FANCC: variants seen among roughly 807,000 people sequenced by gnomAD.
FANCC encodes the protein Fanconi anemia group C protein.
Under a neutral mutation model 71.3 loss-of-function variants are expected in FANCC, and 55 were observed. The ratio of observed to expected loss-of-function variants is 0.77; its 90% CI spans 0.62 to 0.97. The LOEUF (loss-of-function observed/expected upper bound fraction) is 0.97. Among genes scored for constraint, FANCC ranks in the 50% least tolerant of loss-of-function variants. FANCC has a pLI of 0.00. For synonymous variants in FANCC, 275 were observed against 244.9 expected (o/e 1.12, Z -1.15); for missense variants, 678 against 670.9 (o/e 1.01, Z -0.12).
At chr9:95,278,731 A>G (rs931841242) in intron 1 of FANCC, among the ~76,000 whole-genome samples, 6 of 152,240 alleles carry the variant, frequency 3.9e-5, no homozygotes, top group African/African-American at 4.8e-5. Context: ...GTCGAGAATC[A>G]TATGTATAGG....
intron 13 of FANCC, 66 bp from the exon 14 acceptor site, chr9:95,107,335 AT>A: frequency 6.5e-7 from 1 of 1,533,464 alleles, no homozygotes. Context: ...TCTAGGATTT[AT>A]TTATTTGCTT....
At chr9:95,307,947 G>T (rs921162853) in intron 1 of FANCC, among the ~76,000 whole-genome samples, 1 of 152,224 alleles carries the variant, frequency 6.6e-6, no homozygotes, top group African/African-American at 2.4e-5. Context: ...GGGTCACATC[G>T]CAATGGAAGG....
At chr9:95,266,419 T>C (rs1262303273) in intron 1 of FANCC, among the ~76,000 whole-genome samples, 5 of 152,218 alleles carry the variant, frequency 3.3e-5, no homozygotes, top group Non-Finnish European at 7.3e-5. Context: ...TACTAACACA[T>C]GCAGGGAGAC....
At chr9:95,118,984 C>T (rs1317366609) in intron 10 of FANCC, among the ~76,000 whole-genome samples, 1 of 152,192 alleles carries the variant, frequency 6.6e-6, no homozygotes, top group African/African-American at 2.4e-5. Context: ...ATCGTAAGGC[C>T]ATATGGTTTT....
intron 1 of FANCC, among the ~76,000 whole-genome samples, chr9:95,276,737 C>T (rs1029428989): frequency 6.6e-6 from 1 of 152,176 alleles, no homozygotes; most frequent in Admixed American, 6.6e-5. Flanking sequence ...GCATAATTAT[C>T]GGTTCATCAA....
chr9:95,131,796 C>T (rs544527796), intron 8 of FANCC, among the ~76,000 whole-genome samples: 7 of 152,104 alleles, frequency 4.6e-5, no homozygotes, highest in African/African-American at 1.2e-4. Flanking sequence ...AGAGTGAACT[C>T]TTCAGCACAA....
At chr9:95,295,987 C>T (rs1409329474) in intron 1 of FANCC, among the ~76,000 whole-genome samples, 1 of 151,916 alleles carries the variant, frequency 6.6e-6, no homozygotes, top group Non-Finnish European at 1.5e-5. Flanking sequence ...TTACCATACA[C>T]AAAAAAATAA....
At chr9:95,252,284 A>AG (rs1831386411) in intron 1 of FANCC, among the ~76,000 whole-genome samples, 2 of 149,864 alleles carry the variant, frequency 1.3e-5, no homozygotes, top group African/African-American at 4.9e-5. Context: ...CAAAAAAAAA[A>AG]AAAAAAAAAA....
chr9:95,248,873 G>C (rs187625191), intron 2 of FANCC, among the ~76,000 whole-genome samples: 1 of 152,240 alleles, frequency 6.6e-6, no homozygotes, highest in East Asian at 1.9e-4. Context: ...CAACAAGCAT[G>C]AAATCTTGAT....
chr9:95,207,814 T>A (rs967701149), intron 4 of FANCC, among the ~76,000 whole-genome samples: 2 of 152,180 alleles, frequency 1.3e-5, no homozygotes, highest in East Asian at 1.9e-4. Context: ...AGAGGCTTAA[T>A]ATAACTTAAC....
At chr9:95,284,159 C>T (rs1024330904) in intron 1 of FANCC, among the ~76,000 whole-genome samples, 1 of 152,198 alleles carries the variant, frequency 6.6e-6, no homozygotes, top group African/African-American at 2.4e-5. Context: ...CAAGCCTAAA[C>T]ACCTGTCGGC....
chr9:95,205,370 T>A (rs927172440), intron 4 of FANCC, among the ~76,000 whole-genome samples: 9 of 152,164 alleles, frequency 5.9e-5, no homozygotes, highest in African/African-American at 2.2e-4. Context: ...TAAGATGTCA[T>A]ATTTTATATT....
In FANCC at chr9:95,125,000, T is replaced by C. The variant is rs141188206; in HGVS notation, c.996+86A>G. On this transcript the variant is annotated intron_variant, in intron 10 of 14. Transcript: ENST00000289081. ...TGAGCAAAACAGTCCATCAAAATTA[T>C]TGAAAATAAAGTGCTCTTGTCCAAA... 742 of 1,145,946 alleles carry C rather than the reference T, an allele frequency of 6.5e-4. 2 individuals are homozygous for C. The African/African-American group carries it at 9.5e-3, about 15-fold the overall frequency. The allele number at this position is 1,145,946 out of a possible 1,614,324, so 71.0% of individuals were successfully genotyped here.
intron 4 of FANCC, among the ~76,000 whole-genome samples, chr9:95,235,844 CAAAAAAAAA>C (rs10666439): frequency 2.2e-4 from 8 of 36,220 alleles, no homozygotes; most frequent in Admixed American, 1.1e-3. Context: ...AACTCCACCT[CAAAAAAAAA>C]AAAAAAAAAA....
At chr9:95,108,604 T>C (rs987489457) in intron 13 of FANCC, among the ~76,000 whole-genome samples, 8 of 152,192 alleles carry the variant, frequency 5.3e-5, no homozygotes, top group Admixed American at 4.6e-4. Context: ...GTCCTAAGTT[T>C]TTCAGGAGAA....
At chr9:95,255,297 T>C (rs1161185892) in intron 1 of FANCC, among the ~76,000 whole-genome samples, 1 of 152,068 alleles carries the variant, frequency 6.6e-6, no homozygotes, top group Admixed American at 6.5e-5. Flanking sequence ...AGACACCTCA[T>C]ACAGGAGAGC....
At chr9:95,315,358 G>A (rs1239689819) in intron 1 of FANCC, among the ~76,000 whole-genome samples, 3 of 152,176 alleles carry the variant, frequency 2.0e-5, no homozygotes, top group African/African-American at 7.2e-5. Flanking sequence ...CCGAGTAACT[G>A]GGACCACAGC....
chr9:95,293,308 A>G, intron 1 of FANCC: 1 of 1,613,174 alleles, frequency 6.2e-7, no homozygotes, highest in Non-Finnish European at 8.5e-7. Flanking sequence ...CCGACTCCTC[A>G]GCCCAGCCTG....
intron 4 of FANCC, among the ~76,000 whole-genome samples, chr9:95,190,257 A>G (rs1588252808): frequency 6.6e-6 from 1 of 151,580 alleles, no homozygotes; most frequent in Non-Finnish European, 1.5e-5. Flanking sequence ...GGCCCTGATC[A>G]CCTCCACTCC....
Sources: gnomAD v4.1 joint callset for allele counts (sites outside exome capture counted in the v4.1 genomes callset) on GRCh38, gnomAD v4.1.1 for gene constraint, MANE v1.5 for transcripts, NCBI Gene and HGNC (gene_info 2026-07-23, HGNC 2026-07-21) for gene names.